MAGI1: variants seen among roughly 807,000 people sequenced by gnomAD.
MAGI1 encodes membrane-associated guanylate kinase, WW and PDZ domain-containing protein 1.
In MAGI1, 58 loss-of-function variants were observed where a neutral mutation model predicts 139.9. The observed-to-expected ratio is 0.41, with a 90% CI of 0.34 to 0.52. The LOEUF (loss-of-function observed/expected upper bound fraction) is 0.52. MAGI1 is among the 20% of genes least tolerant of loss of function. The probability of loss-of-function intolerance (pLI) is 0.12; values close to 1 mark genes in which losing one functional copy is unlikely to be tolerated. For synonymous variants in MAGI1, 812 were observed against 737.9 expected (o/e 1.10, Z -1.63); for missense variants, 1,874 against 1,901.6 (o/e 0.99, Z 0.27).
chr3:65,363,633 C>A (rs1941104381), intron 20 of MAGI1, 25 bp from the exon 21 acceptor site: 2 of 1,606,148 alleles, frequency 1.2e-6, no homozygotes, highest in South Asian at 1.1e-5. Context: ...TAAATGCAAT[C>A]ATTCTAGGAG....
intron 1 of MAGI1, among the ~76,000 whole-genome samples, chr3:65,790,281 G>C (rs1315778741): frequency 3.3e-5 from 5 of 152,176 alleles, no homozygotes; most frequent in Admixed American, 6.5e-5. Flanking sequence ...AAAACGATTT[G>C]TTTGACCTTC....
chr3:65,983,630 T>C (rs1312324514), intron 1 of MAGI1, among the ~76,000 whole-genome samples: 1 of 152,212 alleles, frequency 6.6e-6, no homozygotes, highest in African/African-American at 2.4e-5. Context: ...GTCTTTTAAA[T>C]AAGTCATTTC....
intron 1 of MAGI1, among the ~76,000 whole-genome samples, chr3:65,740,004 A>T (rs1338734742): frequency 6.6e-6 from 1 of 152,232 alleles, no homozygotes; most frequent in African/African-American, 2.4e-5. Context: ...GTTGTAAAAA[A>T]AAAAATGCAG....
intron 1 of MAGI1, among the ~76,000 whole-genome samples, chr3:65,978,992 T>C (rs2107250172): frequency 6.6e-6 from 1 of 151,934 alleles, no homozygotes; most frequent in South Asian, 2.1e-4. Flanking sequence ...TCTTCCTTCA[T>C]TCACTGAGCC....
intron 1 of MAGI1, among the ~76,000 whole-genome samples, chr3:65,736,259 G>T (rs2107757950): frequency 6.6e-6 from 1 of 152,248 alleles, no homozygotes; most frequent in East Asian, 1.9e-4. Context: ...CTTCATCTAT[G>T]TGGGATCTTC....
At chr3:65,571,829 G>T (rs2080973007) in intron 2 of MAGI1, among the ~76,000 whole-genome samples, 1 of 151,976 alleles carries the variant, frequency 6.6e-6, no homozygotes, top group South Asian at 2.1e-4. Flanking sequence ...AACATAAATG[G>T]CATGCTGACC....
At chr3:66,033,116 C>A (rs2068728817) in intron 1 of MAGI1, among the ~76,000 whole-genome samples, 1 of 151,760 alleles carries the variant, frequency 6.6e-6, no homozygotes. Context: ...GCAACCTCTG[C>A]CTCCTGGTCT....
intron 1 of MAGI1, among the ~76,000 whole-genome samples, chr3:65,811,822 A>G (rs2041251494): frequency 6.6e-6 from 1 of 152,056 alleles, no homozygotes; most frequent in Non-Finnish European, 1.5e-5. Flanking sequence ...ATTATAAAGA[A>G]TCCCCCCTTG....
chr3:65,639,362 T>C (rs2084842705), intron 1 of MAGI1, among the ~76,000 whole-genome samples: 1 of 152,216 alleles, frequency 6.6e-6, no homozygotes, highest in Admixed American at 6.5e-5. Flanking sequence ...TTTTTCTCTA[T>C]TATTAATTTA....
intron 12 of MAGI1, among the ~76,000 whole-genome samples, chr3:65,418,666 C>G (rs1203148787): frequency 6.6e-6 from 1 of 152,180 alleles, no homozygotes; most frequent in Non-Finnish European, 1.5e-5. Flanking sequence ...TATCCATACA[C>G]AAGAACGCTG....
intron 2 of MAGI1, chr3:65,597,925 T>TGGGG (rs57059846): frequency 3.8e-5 from 15 of 396,932 alleles, no homozygotes; most frequent in Admixed American, 1.1e-4. Flanking sequence ...GAGGCGGGGG[T>TGGGG]GGGGGGGGGG....
At chr3:65,997,252 TA>T (rs2066497701) in intron 1 of MAGI1, among the ~76,000 whole-genome samples, 1 of 152,150 alleles carries the variant, frequency 6.6e-6, no homozygotes, top group South Asian at 2.1e-4. Context: ...TCCAAACCAC[TA>T]AAACCTCCAC....
intron 8 of MAGI1, 118 bp downstream of exon 8, chr3:65,442,674 T>A: frequency 1.5e-6 from 1 of 652,350 alleles, no homozygotes; most frequent in South Asian, 2.5e-5. Flanking sequence ...ATTTTCATCA[T>A]AAAATTAATA....
At chr3:65,498,597 T>C (rs72896401) in intron 2 of MAGI1, among the ~76,000 whole-genome samples, 3,986 of 152,258 alleles carry the variant, frequency 0.026, 155 homozygotes, top group African/African-American at 0.091. Flanking sequence ...CCTCATTTTA[T>C]TGATGAAGAA....
chr3:66,020,638 G>T (rs573181654), intron 1 of MAGI1, among the ~76,000 whole-genome samples: 51 of 152,282 alleles, frequency 3.3e-4, no homozygotes, highest in African/African-American at 1.2e-3. Flanking sequence ...GAAATTCTAA[G>T]TTATATGCAT....
At chr3:65,985,050 T>G (rs1312820591) in intron 1 of MAGI1, among the ~76,000 whole-genome samples, 3 of 152,334 alleles carry the variant, frequency 2.0e-5, no homozygotes, top group Non-Finnish European at 2.9e-5. Flanking sequence ...GCTTTGGTAC[T>G]GATGTCAACC....
chr3:65,899,277 C>G (rs185679569), intron 1 of MAGI1, among the ~76,000 whole-genome samples: 1 of 152,162 alleles, frequency 6.6e-6, no homozygotes, highest in Admixed American at 6.5e-5. Context: ...AATACATTCA[C>G]AGTGGAAAAA....
chr3:65,765,651 G>A (rs1346881454), intron 1 of MAGI1, among the ~76,000 whole-genome samples: 1 of 152,124 alleles, frequency 6.6e-6, no homozygotes, highest in Non-Finnish European at 1.5e-5. Flanking sequence ...CTGCTCTTTA[G>A]AAATATTCAA....
intron 6 of MAGI1, among the ~76,000 whole-genome samples, chr3:65,449,090 G>A (rs1948855504): frequency 7.3e-6 from 1 of 137,230 alleles, no homozygotes; most frequent in Non-Finnish European, 1.5e-5. Flanking sequence ...TAACCAACAT[G>A]GGCCTAGACA....
Sources: allele counts gnomAD v4.1 joint callset (sites outside exome capture counted in the v4.1 genomes callset), GRCh38; gene constraint gnomAD v4.1.1; transcripts MANE v1.5; gene names NCBI Gene and HGNC (gene_info 2026-07-23, HGNC 2026-07-21).